CNBD2: variants seen among roughly 807,000 people sequenced by gnomAD.
CNBD2 encodes cyclic nucleotide binding domain containing 2.
In CNBD2, 64 loss-of-function variants were observed where a neutral mutation model predicts 63.7. The ratio of observed to expected loss-of-function variants is 1.00; its 90% CI spans 0.82 to 1.24. The LOEUF is 1.24. Ranked by LOEUF, CNBD2 falls within the 50% of genes most tolerant of loss-of-function variation. CNBD2 has a pLI of 0.00. For missense variants in CNBD2, 691 were observed against 713.5 expected, an observed-to-expected ratio of 0.97 and a Z score of 0.36; for synonymous variants, 229 against 255.4, an observed-to-expected ratio of 0.90 and a Z score of 0.99.
At chr20:36,024,734 G>GC (rs2057262950) in intron 11 of CNBD2, among the ~76,000 whole-genome samples, 1 of 151,800 alleles carries the variant, frequency 6.6e-6, no homozygotes, top group African/African-American at 2.4e-5. Flanking sequence ...TTTAAGACCA[G>GC]CTGGCCAACA....
chr20:35,956,106 AC>A (rs1461330425), downstream of CNBD2, among the ~76,000 whole-genome samples: 1 of 152,172 alleles, frequency 6.6e-6, no homozygotes, highest in Non-Finnish European at 1.5e-5. Context: ...GTTTTCTATG[AC>A]CTTGCAGTCC....
At chr20:36,023,494 C>A (rs781068964) in intron 10 of CNBD2, 108 bp from the exon 11 acceptor site, 14 of 1,036,596 alleles carry the variant, frequency 1.4e-5, no homozygotes, top group Non-Finnish European at 1.9e-5. Context: ...GCCTGGGCAA[C>A]AACAGCGAAA....
chr20:35,987,082 G>T (rs2056677952), intron 6 of CNBD2, among the ~76,000 whole-genome samples: 1 of 101,468 alleles, frequency 9.9e-6, no homozygotes, highest in African/African-American at 3.4e-5. Flanking sequence ...GGCAGGGCTG[G>T]AGGAGGAGAA....
At chr20:35,988,058 C>T (rs1029442894) in intron 7 of CNBD2, among the ~76,000 whole-genome samples, 3 of 151,752 alleles carry the variant, frequency 2.0e-5, no homozygotes, top group Non-Finnish European at 4.4e-5. Flanking sequence ...TTAGTAGAGA[C>T]GGGGTTTCAC....
At position 36,023,599 on chromosome 20, in the gene CNBD2, G is replaced by C; in HGVS notation, c.1270-3G>C. On this transcript the variant is annotated splice_polypyrimidine_tract_variant and splice_region_variant and intron_variant, in intron 10 of 11. Coordinates refer to ENST00000373973, the MANE Select transcript of CNBD2 (RefSeq NM_001365709.1). Reference sequence around the variant, plus strand: ...GGTCTAACTTTCTGTGACTTCTCCCGAGGGTCTTCACCAGGCCTTCCTTCC... The same window carrying C: ...GGTCTAACTTTCTGTGACTTCTCCCCAGGGTCTTCACCAGGCCTTCCTTCC... The C allele has an allele frequency of 6.3e-7, 1 of 1,583,546 alleles. No individual in the cohort carries two copies. Among genetic ancestry groups the C allele is most frequent in the South Asian group, 1.2e-5 (1 of 86,380 alleles).
chr20:35,981,531 G>A (rs1336138000), intron 4 of CNBD2, among the ~76,000 whole-genome samples: 1 of 152,076 alleles, frequency 6.6e-6, no homozygotes, highest in African/African-American at 2.4e-5. Flanking sequence ...TACCTCCTAG[G>A]TTCATATGAG....
Position 36,008,486 on chromosome 20 carries a change from C to T in CNBD2, c.1148+12C>T. 6.3e-7 allele frequency: 1 copy of T among 1,598,196 alleles called. No homozygotes were observed. Among genetic ancestry groups the T allele is most frequent in the South Asian group, 1.1e-5 (1 of 88,216 alleles). Reference sequence around the variant, plus strand: ...GGCCCGAAGATCCAGTAAGCTCAGCCCTGGGCAGATAGACGGGTCCAGATT... The same window carrying T: ...GGCCCGAAGATCCAGTAAGCTCAGCTCTGGGCAGATAGACGGGTCCAGATT... On this transcript the variant is annotated intron_variant, in intron 9 of 11. Transcript: ENST00000373973.
At chr20:35,987,676 T>G (rs2056687988) in intron 7 of CNBD2, 143 bp downstream of exon 7, 3 of 890,368 alleles carry the variant, frequency 3.4e-6, no homozygotes, top group Non-Finnish European at 5.1e-6. Flanking sequence ...ATGTCCCAGC[T>G]GTAAGAGGCC....
In CNBD2 at chr20:36,008,510, T is replaced by A. The variant is rs376977547; in HGVS notation, c.1148+36T>A. ...CCCTGGGCAGATAGACGGGTCCAGATTGTGGTTGCAAAGGGAGATAATACT... is the reference window on the plus strand; with the variant it reads ...CCCTGGGCAGATAGACGGGTCCAGAATGTGGTTGCAAAGGGAGATAATACT... On this transcript the variant is annotated intron_variant, in intron 9 of 11. Coordinates refer to ENST00000373973, the MANE Select transcript of CNBD2 (RefSeq NM_001365709.1). 11 of 1,573,612 alleles carry A rather than the reference T, an allele frequency of 7.0e-6. No homozygotes were observed. The East Asian group carries it at 1.3e-4, about 19-fold the overall frequency.
chr20:35,956,545 C>G (rs752004930), downstream of CNBD2, among the ~76,000 whole-genome samples: 1 of 152,140 alleles, frequency 6.6e-6, no homozygotes, highest in African/African-American at 2.4e-5. Context: ...CAGGTTGTTG[C>G]TTTATTTAGA....
At chr20:36,014,667 T>C (rs2057111422) in intron 10 of CNBD2, among the ~76,000 whole-genome samples, 1 of 151,900 alleles carries the variant, frequency 6.6e-6, no homozygotes, top group Non-Finnish European at 1.5e-5. Context: ...TCTTGCTCTG[T>C]CACTCAGGCT....
intron 8 of CNBD2, among the ~76,000 whole-genome samples, chr20:35,999,615 A>G (rs751419922): frequency 2.0e-5 from 3 of 152,006 alleles, no homozygotes; most frequent in Middle Eastern, 3.2e-3. Flanking sequence ...GATATATTAT[A>G]CTTTAATGTA....
chr20:36,002,459 T>G (rs943795685), intron 8 of CNBD2, among the ~76,000 whole-genome samples: 7 of 151,784 alleles, frequency 4.6e-5, no homozygotes, highest in South Asian at 4.2e-4. Context: ...AGAGCCTAAT[T>G]TTTGTATTTT....
At chr20:36,002,281 C>A (rs1246875136) in intron 8 of CNBD2, among the ~76,000 whole-genome samples, 1 of 152,220 alleles carries the variant, frequency 6.6e-6, no homozygotes, top group East Asian at 1.9e-4. Context: ...CCTGCAATCG[C>A]AGGCACTTGG....
chr20:36,026,922 T>C (rs1266515791), intron 11 of CNBD2, among the ~76,000 whole-genome samples: 2 of 152,240 alleles, frequency 1.3e-5, no homozygotes, highest in East Asian at 3.8e-4. Flanking sequence ...GGCTGTGCTT[T>C]ATCCGCCTTT....
chr20:36,005,991 C>T (rs1236425957), intron 8 of CNBD2, among the ~76,000 whole-genome samples: 1 of 151,550 alleles, frequency 6.6e-6, no homozygotes, highest in Non-Finnish European at 1.5e-5. Context: ...AAACAAAAGA[C>T]ATTAATTTGA....
chr20:36,026,551 C>G (rs1466170187), intron 11 of CNBD2, among the ~76,000 whole-genome samples: 1 of 152,194 alleles, frequency 6.6e-6, no homozygotes, highest in Non-Finnish European at 1.5e-5. Context: ...CCACCACAGT[C>G]TGACACCCCA....
At chr20:35,999,474 T>C (rs921297614) in intron 8 of CNBD2, among the ~76,000 whole-genome samples, 2 of 152,184 alleles carry the variant, frequency 1.3e-5, no homozygotes, top group Non-Finnish European at 2.9e-5. Flanking sequence ...TCACAGTTGC[T>C]TTATGATCAT....
At chr20:36,008,171 T>C (rs774419342) in intron 8 of CNBD2, 126 bp from the exon 9 acceptor site, 4 of 736,910 alleles carry the variant, frequency 5.4e-6, no homozygotes, top group Non-Finnish European at 6.6e-6. Flanking sequence ...TTCTTTTTTT[T>C]TTAAAAAATT....
Sources: gnomAD v4.1 joint callset for allele counts (sites outside exome capture counted in the v4.1 genomes callset) on GRCh38, gnomAD v4.1.1 for gene constraint, MANE v1.5 for transcripts, NCBI Gene and HGNC (gene_info 2026-07-23, HGNC 2026-07-21) for gene names.